HS3ST4: variants seen among roughly 807,000 people sequenced by gnomAD.
HS3ST4 encodes the protein heparan sulfate-glucosamine 3-sulfotransferase 4, also known as heparan sulfate glucosamine 3-O-sulfotransferase 4.
A neutral mutation model predicts 29.2 loss-of-function variants in HS3ST4; 17 were observed. The ratio of observed to expected loss-of-function variants is 0.58; its 90% CI spans 0.40 to 0.87. The LOEUF is 0.87. Ranked by LOEUF, HS3ST4 falls within the 40% of genes least tolerant of loss-of-function variation. HS3ST4 has a pLI of 0.00. For synonymous variants in HS3ST4, 314 were observed against 285.7 expected, an observed-to-expected ratio of 1.10 and a Z score of -1.00; for missense variants, 627 against 634.5, an observed-to-expected ratio of 0.99 and a Z score of 0.13.
chr16:25,789,124 G>A (rs1163519299), intron 1 of HS3ST4, among the ~76,000 whole-genome samples: 1 of 152,114 alleles, frequency 6.6e-6, no homozygotes, highest in African/African-American at 2.4e-5. Context: ...TCGTCTGTGA[G>A]TGGATGATGT....
chr16:26,120,738 G>A (rs1899264487), intron 1 of HS3ST4, among the ~76,000 whole-genome samples: 1 of 152,206 alleles, frequency 6.6e-6, no homozygotes, highest in African/African-American at 2.4e-5. Context: ...AAAATATCAA[G>A]TGCTTTGGCT....
At chr16:26,054,370 C>G (rs139531095) in intron 1 of HS3ST4, among the ~76,000 whole-genome samples, 2 of 151,894 alleles carry the variant, frequency 1.3e-5, no homozygotes, top group African/African-American at 4.8e-5. Flanking sequence ...TTGTTTTTCA[C>G]AAGAAAGCCA....
intron 1 of HS3ST4, among the ~76,000 whole-genome samples, chr16:25,965,932 G>A (rs1968838196): frequency 6.6e-6 from 1 of 152,098 alleles, no homozygotes; most frequent in Non-Finnish European, 1.5e-5. Flanking sequence ...TCCCACCTGG[G>A]CCTCCCAAAG....
intron 1 of HS3ST4, among the ~76,000 whole-genome samples, chr16:25,913,940 T>C (rs1968265332): frequency 6.7e-6 from 1 of 148,648 alleles, no homozygotes; most frequent in Non-Finnish European, 1.5e-5. Context: ...GCTATGTGTG[T>C]GTGTGGTGTG....
chr16:25,781,264 T>C (rs1243787704), intron 1 of HS3ST4, among the ~76,000 whole-genome samples: 1 of 152,166 alleles, frequency 6.6e-6, no homozygotes, highest in Non-Finnish European at 1.5e-5. Flanking sequence ...TGGCAGAGGT[T>C]TAAAGTAGGC....
chr16:25,813,359 T>A (rs1440896024), intron 1 of HS3ST4, among the ~76,000 whole-genome samples: 2 of 152,136 alleles, frequency 1.3e-5, no homozygotes, highest in Non-Finnish European at 2.9e-5. Context: ...GTGCGGTGGC[T>A]CACACTTGTA....
intron 1 of HS3ST4, among the ~76,000 whole-genome samples, chr16:25,771,945 C>T (rs116091833): frequency 6.6e-6 from 1 of 152,170 alleles, no homozygotes. Flanking sequence ...TGGTTCCAAA[C>T]AGCATTTAGT....
chr16:25,968,177 C>G (rs934955916), intron 1 of HS3ST4, among the ~76,000 whole-genome samples: 3 of 152,108 alleles, frequency 2.0e-5, no homozygotes, highest in Admixed American at 2.0e-4. Flanking sequence ...GGAAGGACTG[C>G]GGGCGGAAGC....
chr16:25,813,299 G>GT lies in HS3ST4; in HGVS notation c.734+120149dup, dbSNP rs201514094. On this transcript the variant is annotated intron_variant, in intron 1 of 1. Transcript: ENST00000331351. ...CCAACCAACAAAATTAACAAAACAG[G>GT]TGTTAGGATGTGGAGCAACTGGGCG... Among the ~76,000 whole-genome samples, 97 of 152,266 alleles carry GT rather than the reference G, an allele frequency of 6.4e-4. No homozygotes were observed. In the East Asian group the frequency reaches 0.017, roughly 27 times the overall value.
At position 25,733,382 on chromosome 16, in the gene HS3ST4, A is replaced by G. The variant is rs114555768; in HGVS notation, c.734+40231A>G. ...GTTTGCTGGTAGGTCCCTGTGCACA[A>G]GCCCACACTGGACGTTCCTCTGTAT... On this transcript the variant is annotated intron_variant, in intron 1 of 1. Transcript: ENST00000331351. Among the ~76,000 whole-genome samples the G allele has an allele frequency of 5.0e-3, 759 of 152,212 alleles. 2 individuals carry two copies. The highest frequency in any genetic ancestry group is 0.017 in the African/African-American group (715 of 41,546).
At chr16:26,128,319 C>T (rs533036401) in intron 1 of HS3ST4, among the ~76,000 whole-genome samples, 6 of 152,244 alleles carry the variant, frequency 3.9e-5, no homozygotes, top group Non-Finnish European at 7.4e-5. Context: ...ATAGTTGGTA[C>T]GTAATAAGCA....
chr16:25,885,785 CT>C (rs1967943515), intron 1 of HS3ST4, among the ~76,000 whole-genome samples: 1 of 151,782 alleles, frequency 6.6e-6, no homozygotes, highest in Non-Finnish European at 1.5e-5. Flanking sequence ...TAAATGAAAA[CT>C]TTACATTATG....
At chr16:25,993,949 C>CGTGTGTGT (rs56226178) in intron 1 of HS3ST4, among the ~76,000 whole-genome samples, 108 of 121,306 alleles carry the variant, frequency 8.9e-4, no homozygotes, top group African/African-American at 2.6e-3. Flanking sequence ...CACATAACCT[C>CGTGTGTGT]GTGTGTGTGT....
At chr16:26,014,830 T>C (rs974670333) in intron 1 of HS3ST4, among the ~76,000 whole-genome samples, 1 of 152,146 alleles carries the variant, frequency 6.6e-6, no homozygotes, top group Non-Finnish European at 1.5e-5. Flanking sequence ...GACTTTACCA[T>C]CATAATATAC....
intron 1 of HS3ST4, among the ~76,000 whole-genome samples, chr16:25,870,183 C>CCCATCCATCCATCCATCCAA (rs1348672095): frequency 6.6e-6 from 1 of 151,950 alleles, no homozygotes; most frequent in Non-Finnish European, 1.5e-5. Flanking sequence ...CATCCATCCA[C>CCCATCCATCCATCCATCCAA]CCATCCATCC....
chr16:25,710,746 T>C (rs989208506), intron 1 of HS3ST4, among the ~76,000 whole-genome samples: 6 of 151,660 alleles, frequency 4.0e-5, no homozygotes, highest in African/African-American at 1.5e-4. Flanking sequence ...TAAAAGCAGA[T>C]TGTACAGAAA....
At chr16:25,727,523 A>C (rs1966544836) in intron 1 of HS3ST4, among the ~76,000 whole-genome samples, 1 of 152,238 alleles carries the variant, frequency 6.6e-6, no homozygotes, top group Non-Finnish European at 1.5e-5. Flanking sequence ...GGAAAAAATA[A>C]CACTCAATTG....
At chr16:25,854,773 G>A (rs1967558468) in intron 1 of HS3ST4, among the ~76,000 whole-genome samples, 1 of 145,448 alleles carries the variant, frequency 6.9e-6, no homozygotes, top group Non-Finnish European at 1.5e-5. Flanking sequence ...GGTAAGGGAG[G>A]CGAGGTGTTT....
chr16:26,120,606 C>G (rs1034714513), intron 1 of HS3ST4, among the ~76,000 whole-genome samples: 3 of 152,132 alleles, frequency 2.0e-5, no homozygotes, highest in Non-Finnish European at 4.4e-5. Context: ...GCAGAACACA[C>G]TCGCTCTTCA....
Sources: gnomAD v4.1 joint callset for allele counts (sites outside exome capture counted in the v4.1 genomes callset) on GRCh38, gnomAD v4.1.1 for gene constraint, MANE v1.5 for transcripts, NCBI Gene and HGNC (gene_info 2026-07-23, HGNC 2026-07-21) for gene names.